PHEX: variants seen among roughly 807,000 people sequenced by gnomAD.
PHEX encodes phosphate regulating endopeptidase X-linked.
Under a neutral mutation model 68.0 loss-of-function variants are expected in PHEX, and 16 were observed. The observed-to-expected ratio is 0.24, with a 90% CI of 0.16 to 0.36. PHEX has a LOEUF of 0.36. Among genes scored for constraint, PHEX ranks in the 10% least tolerant of loss-of-function variants. The pLI is 1.00. For synonymous variants in PHEX, 208 were observed against 205.1 expected, an observed-to-expected ratio of 1.01 and a Z score of -0.12; for missense variants, 480 against 575.5, an observed-to-expected ratio of 0.83 and a Z score of 1.70.
intron 2 of PHEX, among the ~76,000 whole-genome samples, chrX:22,044,022 A>G (rs1035574569): frequency 3.6e-5 from 4 of 111,370 alleles, no homozygotes; most frequent in African/African-American, 1.3e-4. Context: ...GGCTGCAACT[A>G]GAGTTTTCTC....
At chrX:22,202,457 A>G (rs1934586360) in intron 15 of PHEX, among the ~76,000 whole-genome samples, 1 of 111,950 alleles carries the variant, frequency 8.9e-6, no homozygotes, top group Non-Finnish European at 1.9e-5. Flanking sequence ...ATCTTACCCA[A>G]CTTCTCTCAA....
At chrX:22,052,724 A>G (rs767644522) in intron 3 of PHEX, among the ~76,000 whole-genome samples, 40 of 110,643 alleles carry the variant, frequency 3.6e-4, no homozygotes, top group African/African-American at 1.2e-3. Flanking sequence ...TATCTTTAAA[A>G]TGGAGATAAG....
chrX:22,246,075 T>G (rs1171141611), intron 21 of PHEX, among the ~76,000 whole-genome samples: 2 of 111,817 alleles, frequency 1.8e-5, no homozygotes, highest in Non-Finnish European at 3.8e-5. Context: ...GGCTTTCAGG[T>G]GGGATCATAT....
At chrX:22,150,143 T>TA (rs111842362) in intron 12 of PHEX, among the ~76,000 whole-genome samples, 10,302 of 110,285 alleles carry the variant, frequency 0.093, 1,252 homozygotes, top group African/African-American at 0.32. Flanking sequence ...TTTAAAAAAA[T>TA]AAAAAAAATA....
intron 12 of PHEX, among the ~76,000 whole-genome samples, chrX:22,165,428 G>C (rs778175172): frequency 1.8e-5 from 2 of 111,813 alleles, no homozygotes; most frequent in African/African-American, 6.5e-5. Flanking sequence ...ATACCTCAGA[G>C]TTTGTCCTGA....
chrX:22,191,504 G>A (rs1456914087), intron 15 of PHEX, among the ~76,000 whole-genome samples: 3 of 112,465 alleles, frequency 2.7e-5, no homozygotes, highest in Non-Finnish European at 5.6e-5. Flanking sequence ...TGACCATGAT[G>A]TGTGCTCCTG....
chrX:22,174,653 G>A (rs753388460), intron 13 of PHEX, among the ~76,000 whole-genome samples: 3 of 111,443 alleles, frequency 2.7e-5, no homozygotes, highest in African/African-American at 3.3e-5. Context: ...TAGAGAAAAC[G>A]CACTCATAAT....
intron 9 of PHEX, among the ~76,000 whole-genome samples, chrX:22,106,607 C>T (rs1255937579): frequency 5.5e-5 from 6 of 109,289 alleles, no homozygotes; most frequent in Admixed American, 9.8e-5. Flanking sequence ...CTGTCTCTAC[C>T]AAAAATACAA....
At chrX:22,241,155 A>T (rs753760767) in intron 20 of PHEX, among the ~76,000 whole-genome samples, 1 of 112,317 alleles carries the variant, frequency 8.9e-6, no homozygotes, top group South Asian at 3.7e-4. Flanking sequence ...TGGAAACTGA[A>T]CAACCTGCAC....
intron 13 of PHEX, among the ~76,000 whole-genome samples, chrX:22,169,159 A>G (rs1422126080): frequency 8.9e-6 from 1 of 112,193 alleles, no homozygotes; most frequent in African/African-American, 3.2e-5. Flanking sequence ...TGGTTCAACA[A>G]GTGGCATATC....
chrX:22,057,788 C>T (rs1431276061), intron 3 of PHEX, among the ~76,000 whole-genome samples: 6 of 111,242 alleles, frequency 5.4e-5, no homozygotes, highest in Non-Finnish European at 3.8e-5. Context: ...TCACTGTGAC[C>T]GCAGCACCAA....
At chrX:22,102,997 A>G (rs1002508639) in intron 9 of PHEX, among the ~76,000 whole-genome samples, 1 of 112,070 alleles carries the variant, frequency 8.9e-6, no homozygotes, top group Non-Finnish European at 1.9e-5. Context: ...CAACAATTCT[A>G]TGCGTTGTTC....
intron 5 of PHEX, among the ~76,000 whole-genome samples, chrX:22,087,468 C>T (rs1374022005): frequency 2.7e-5 from 3 of 111,322 alleles, no homozygotes; most frequent in Non-Finnish European, 5.7e-5. Flanking sequence ...TTTGAAAGTG[C>T]CTTTTTTCCC....
intron 3 of PHEX, among the ~76,000 whole-genome samples, chrX:22,059,751 G>A (rs761839854): frequency 1.8e-5 from 2 of 111,392 alleles, no homozygotes; most frequent in East Asian, 2.8e-4. Flanking sequence ...TGACTATTAC[G>A]TGGCCTCATG....
intron 6 of PHEX, among the ~76,000 whole-genome samples, chrX:22,091,541 C>T (rs1047520935): frequency 3.6e-5 from 4 of 111,951 alleles, no homozygotes; most frequent in Admixed American, 9.5e-5. Flanking sequence ...ATCACATTGC[C>T]TCCTTAGCAC....
Position 22,060,601 on chromosome X carries a change from T to C in PHEX, c.349+13390T>C, listed in dbSNP as rs773087095. On this transcript the variant is annotated intron_variant, in intron 3 of 21. Transcript: ENST00000379374. ...GGGAATATTGGCTGAAAAAAATGAA[T>C]GGGAAAGCAGACAAGGGGGCATTTT... Among the ~76,000 whole-genome samples, 12 of 111,751 alleles carry C rather than the reference T, an allele frequency of 1.1e-4. No homozygotes were observed. The East Asian group carries it at 3.4e-3, about 31-fold the overall frequency.
In PHEX at chrX:22,249,324, A is replaced by T; in HGVS notation, c.*1371A>T. The T allele has an allele frequency of 9.7e-6, 1 of 102,700 alleles. No individual in the cohort carries two copies. Among genetic ancestry groups the T allele is most frequent in the South Asian group, 4.6e-4 (1 of 2,195 alleles). 8.5% of individuals were successfully genotyped at this position (102,700 alleles called of 1,213,427 possible). ...GGCATCCCCCTACTCCCTTTACATT[A>T]TTCATTAGACATGAGGTGCTGGGTT... On this transcript the variant is annotated 3_prime_UTR_variant, in exon 22 of 22. Coordinates refer to ENST00000379374, the MANE Select transcript of PHEX (RefSeq NM_000444.6).
At chrX:22,065,160 C>CT (rs1313372067) in intron 3 of PHEX, among the ~76,000 whole-genome samples, 11 of 112,108 alleles carry the variant, frequency 9.8e-5, no homozygotes, top group Non-Finnish European at 1.5e-4. Context: ...GTGAGAGGTA[C>CT]TTTTTTTAAA....
intron 9 of PHEX, among the ~76,000 whole-genome samples, chrX:22,102,295 G>A (rs1272825689): frequency 9.0e-6 from 1 of 110,836 alleles, no homozygotes; most frequent in Non-Finnish European, 1.9e-5. Flanking sequence ...TTAATTGTTA[G>A]CTCCCACAGA....
Sources: allele counts gnomAD v4.1 joint callset (sites outside exome capture counted in the v4.1 genomes callset), GRCh38; gene constraint gnomAD v4.1.1; transcripts MANE v1.5; gene names NCBI Gene and HGNC (gene_info 2026-07-23, HGNC 2026-07-21).